Variants in DOCK1 observed in about 807,000 individuals in gnomAD.
The protein encoded by DOCK1 is dedicator of cytokinesis 1.
In DOCK1, 138 loss-of-function variants were observed where a neutral mutation model predicts 262.7. That is an observed-to-expected ratio of 0.53 (90% CI 0.46 to 0.61). The LOEUF (loss-of-function observed/expected upper bound fraction) is 0.61, where lower values mean the gene tolerates loss of function less well. Ranked by LOEUF, DOCK1 falls within the 20% of genes least tolerant of loss-of-function variation. DOCK1 has a pLI of 0.00. For synonymous variants in DOCK1, 866 were observed against 867.4 expected (o/e 1.00, Z 0.03); for missense variants, 1,908 against 2,370.7 (o/e 0.80, Z 4.05).
At chr10:126,984,238 A>C (rs2134888917) in intron 4 of DOCK1, among the ~76,000 whole-genome samples, 1 of 152,258 alleles carries the variant, frequency 6.6e-6, no homozygotes, top group East Asian at 1.9e-4. Flanking sequence ...CCCCTCATTC[A>C]GTTAGGCAGC....
chr10:127,354,363 T>A (rs1554954522), intron 31 of DOCK1, among the ~76,000 whole-genome samples: 1 of 152,144 alleles, frequency 6.6e-6, no homozygotes, highest in Non-Finnish European at 1.5e-5. Flanking sequence ...GGAACCAAGC[T>A]CCCCCTTGGG....
At chr10:127,292,869 A>G (rs978333725) in intron 29 of DOCK1, among the ~76,000 whole-genome samples, 1 of 152,142 alleles carries the variant, frequency 6.6e-6, no homozygotes, top group Non-Finnish European at 1.5e-5. Context: ...CTGGCAGACA[A>G]ATTTCATGTC....
intron 29 of DOCK1, among the ~76,000 whole-genome samples, chr10:127,318,379 C>T (rs905340093): frequency 6.6e-6 from 1 of 152,190 alleles, no homozygotes; most frequent in Non-Finnish European, 1.5e-5. Flanking sequence ...GAAGGAGAGG[C>T]ACACGGTTCT....
chr10:127,125,598 C>A lies in DOCK1; in HGVS notation c.2748C>A (p.Asp916Glu). Residue 916 changes from aspartate to glutamate, a missense_variant, in exon 26 of 52, where the codon GAC becomes GAA. Physicochemically the swap from Asp to Glu is conservative, Grantham distance 45 (BLOSUM62 2). This residue lies in a region of DOCK1 where 518 missense variants were observed against 575.1 expected (regional missense o/e 0.90). Transcript: ENST00000623213. ...TCCTGGAGGTGCTGTACAGGAAGGA[C>A]GTGGTGAGTGTTGGCTCTGTGCGTG... Reference protein sequence around the residue: ...SHILEVLYRKDVGPTQRHVQI... With the variant: ...SHILEVLYRKEVGPTQRHVQI... The A allele has an allele frequency of 1.2e-6, 2 of 1,613,496 alleles. No homozygotes were observed. Among genetic ancestry groups the A allele is most frequent in the South Asian group, 2.2e-5 (2 of 90,978 alleles).
At position 127,042,728 on chromosome 10, in the gene DOCK1, C is replaced by T. The variant is rs1270366667; in HGVS notation, c.2100+14C>T. 2 of 1,612,408 alleles carry T rather than the reference C, an allele frequency of 1.2e-6. No individual in the cohort carries two copies. The highest frequency in any genetic ancestry group is 8.5e-7 in the Non-Finnish European group (1 of 1,178,558). On this transcript the variant is annotated intron_variant, in intron 20 of 51. Coordinates refer to ENST00000623213, the MANE Select transcript of DOCK1 (RefSeq NM_001290223.2). ...TTTGATGCTCTGGTAAGAGAGCTTT[C>T]CTTCTCATATGCTTGGATAACACAG... is the stretch of plus-strand genomic sequence containing the variant.
intron 1 of DOCK1, among the ~76,000 whole-genome samples, chr10:126,943,653 T>C (rs1474059454): frequency 6.6e-6 from 1 of 152,202 alleles, no homozygotes; most frequent in South Asian, 2.1e-4. Context: ...ATATGGGGGA[T>C]TGGCAAGTAA....
chr10:127,168,412 G>A (rs1327748245), intron 27 of DOCK1, among the ~76,000 whole-genome samples: 1 of 152,230 alleles, frequency 6.6e-6, no homozygotes, highest in Non-Finnish European at 1.5e-5. Context: ...TTTTGCTTCT[G>A]ATCTCAGCTC....
intron 28 of DOCK1, among the ~76,000 whole-genome samples, chr10:127,250,770 C>T (rs111706380): frequency 1.2e-4 from 13 of 106,296 alleles, no homozygotes; most frequent in African/African-American, 4.1e-4. Context: ...CTAGCTTGGG[C>T]GACACAGTGA....
chr10:127,081,366 G>C (rs2046888553), intron 23 of DOCK1, among the ~76,000 whole-genome samples: 1 of 138,722 alleles, frequency 7.2e-6, no homozygotes, highest in Non-Finnish European at 1.5e-5. Flanking sequence ...CCCTGTATGT[G>C]GGGCTTTTTT....
intron 1 of DOCK1, among the ~76,000 whole-genome samples, chr10:126,907,013 A>G (rs1002764016): frequency 6.6e-6 from 1 of 152,180 alleles, no homozygotes; most frequent in African/African-American, 2.4e-5. Flanking sequence ...AGACACATTC[A>G]CAAAAGTGCA....
At chr10:127,139,024 C>G (rs1235901414) in intron 27 of DOCK1, among the ~76,000 whole-genome samples, 4 of 152,160 alleles carry the variant, frequency 2.6e-5, no homozygotes, top group African/African-American at 4.8e-5. Flanking sequence ...CACCCTGTCC[C>G]TCCTTGGGAC....
At chr10:127,004,479 G>C (rs1255515640) in intron 10 of DOCK1, among the ~76,000 whole-genome samples, 1 of 152,028 alleles carries the variant, frequency 6.6e-6, no homozygotes, top group East Asian at 1.9e-4. Context: ...AGGTGCTGTG[G>C]TTCATGCCTG....
chr10:127,264,886 C>G (rs2060299436), intron 29 of DOCK1, among the ~76,000 whole-genome samples: 1 of 152,254 alleles, frequency 6.6e-6, no homozygotes, highest in Non-Finnish European at 1.5e-5. Flanking sequence ...GCAGGCTGGT[C>G]TCGAACTCCT....
At position 126,953,277 on chromosome 10, in the gene DOCK1, TTGTGG is replaced by T. The variant is rs1334875787; in HGVS notation, c.47-17412_47-17408del. Among the ~76,000 whole-genome samples, 573 of 149,452 alleles carry T rather than the reference TTGTGG, an allele frequency of 3.8e-3. 2 individuals are homozygous for T. Among genetic ancestry groups the T allele is most frequent in the Middle Eastern group, 0.024 (7 of 288 alleles). ...ATTGGTGATGGTGGTGGTGGTAGTG[TTGTGG>T]TGTGGTGTGGTGGTAGTGGTGATGG... On this transcript the variant is annotated intron_variant, in intron 1 of 51. Coordinates refer to ENST00000623213, the MANE Select transcript of DOCK1 (RefSeq NM_001290223.2).
chr10:126,993,841 CAA>C (rs1331145257), intron 6 of DOCK1, among the ~76,000 whole-genome samples: 1 of 152,180 alleles, frequency 6.6e-6, no homozygotes, highest in Non-Finnish European at 1.5e-5. Context: ...AGCAAAACTC[CAA>C]AGACTAAATA....
chr10:126,927,180 GT>G (rs1314622539), intron 1 of DOCK1, among the ~76,000 whole-genome samples: 3 of 152,144 alleles, frequency 2.0e-5, no homozygotes, highest in Middle Eastern at 3.2e-3. Context: ...AGAGAGTGCG[GT>G]GGTGACTACC....
At chr10:127,005,759 G>A (rs1194197059) in intron 10 of DOCK1, among the ~76,000 whole-genome samples, 1 of 151,958 alleles carries the variant, frequency 6.6e-6, no homozygotes, top group Non-Finnish European at 1.5e-5. Flanking sequence ...TTTTTTCTGT[G>A]TGTGGCATAT....
intron 29 of DOCK1, among the ~76,000 whole-genome samples, chr10:127,257,992 A>C (rs2059886543): frequency 6.6e-6 from 1 of 152,216 alleles, no homozygotes; most frequent in South Asian, 2.1e-4. Context: ...GGGATTTTTA[A>C]AAAGAACTTT....
chr10:127,312,176 G>C (rs1368888798), intron 29 of DOCK1, among the ~76,000 whole-genome samples: 2 of 152,214 alleles, frequency 1.3e-5, no homozygotes, highest in African/African-American at 4.8e-5. Flanking sequence ...GCCTAAGGCA[G>C]ACCCATTACT....
Sources: gnomAD v4.1 joint callset for allele counts (sites outside exome capture counted in the v4.1 genomes callset) on GRCh38, gnomAD v4.1.1 for gene constraint, gnomAD v4.1.1 regional missense constraint, MANE v1.5 for transcripts, NCBI Gene and HGNC (gene_info 2026-07-23, HGNC 2026-07-21) for gene names.